Variants in COPS7B observed in about 807,000 individuals in gnomAD.
The protein encoded by COPS7B is COP9 signalosome subunit 7B, also known as COP9 signalosome complex subunit 7b.
In COPS7B, 9 loss-of-function variants were observed where a neutral mutation model predicts 33.4. The observed-to-expected ratio is 0.27, with a 90% CI of 0.16 to 0.47. The LOEUF (loss-of-function observed/expected upper bound fraction) is 0.47. Ranked by LOEUF, COPS7B falls within the 20% of genes least tolerant of loss-of-function variation. The pLI is 0.99. For missense variants in COPS7B, 242 were observed against 318.2 expected, an observed-to-expected ratio of 0.76 and a Z score of 1.82; for synonymous variants, 119 against 126.3, an observed-to-expected ratio of 0.94 and a Z score of 0.39.
intron 4 of COPS7B, among the ~76,000 whole-genome samples, chr2:231,794,632 A>G (rs2049512369): frequency 6.6e-6 from 1 of 152,220 alleles, no homozygotes; most frequent in African/African-American, 2.4e-5. Context: ...CTGCTGTTAA[A>G]GATATACATT....
Position 231,798,882 on chromosome 2 carries a change from T to A in COPS7B, c.554T>A (p.Leu185Gln). 1 of 1,614,186 alleles carries A rather than the reference T, an allele frequency of 6.2e-7. No individual in the cohort carries two copies. Among genetic ancestry groups the A allele is most frequent in the Non-Finnish European group, 8.5e-7 (1 of 1,180,018 alleles). ...HEWCDGCEAV[L>Q]LGIEQQVLRA... ...AGGTGTGATGGCTGTGAAGCAGTTCTACTGGGCATCGAGCAGCAAGTTCTG... is the reference window on the plus strand; with the variant it reads ...AGGTGTGATGGCTGTGAAGCAGTTCAACTGGGCATCGAGCAGCAAGTTCTG... The change falls in exon 6 of 7, where the codon CTA becomes CAA. Residue 185 changes from leucine (L) to glutamine (Q), a missense_variant. By Grantham distance (113) the Leu-to-Gln change is moderately radical. Coordinates refer to ENST00000350033, the MANE Select transcript of COPS7B (RefSeq NM_022730.4).
upstream of COPS7B, among the ~76,000 whole-genome samples, chr2:231,785,904 G>A (rs937050449): frequency 1.2e-4 from 18 of 152,212 alleles, no homozygotes; most frequent in Non-Finnish European, 2.4e-4. Context: ...TAGAGGTCAA[G>A]AACATCGTCT....
At chr2:231,805,137 C>G (rs2049854042) in intron 6 of COPS7B, among the ~76,000 whole-genome samples, 1 of 152,070 alleles carries the variant, frequency 6.6e-6, no homozygotes, top group Non-Finnish European at 1.5e-5. Flanking sequence ...AGTTTGAGAC[C>G]AGCCTGGGCA....
chr2:231,799,451 A>G (rs914172128), intron 6 of COPS7B, among the ~76,000 whole-genome samples: 7 of 152,206 alleles, frequency 4.6e-5, no homozygotes, highest in African/African-American at 1.7e-4. Context: ...TATATTATAA[A>G]TGTGTAAAAT....
intron 2 of COPS7B, chr2:231,790,930 G>T (rs2049397592): frequency 6.5e-6 from 1 of 153,570 alleles, no homozygotes; most frequent in Non-Finnish European, 1.5e-5. Flanking sequence ...AGTAGAGACG[G>T]GGTTTCACCT....
chr2:231,786,386 G>A (rs2049241072), upstream of COPS7B: 4 of 939,284 alleles, frequency 4.3e-6, no homozygotes, highest in Admixed American at 6.2e-5. Flanking sequence ...CGAGTGCAGC[G>A]GTGGGAGGCT....
At chr2:231,804,869 GACATGCAAAT>G (rs1258243671) in intron 6 of COPS7B, among the ~76,000 whole-genome samples, 3 of 152,138 alleles carry the variant, frequency 2.0e-5, no homozygotes, top group African/African-American at 7.2e-5. Context: ...AGAGGTAACT[GACATGCAAAT>G]AAATAAACTA....
In COPS7B at chr2:231,798,929, A is replaced by G. The variant is rs2049659816; in HGVS notation, c.601A>G (p.Asn201Asp). Residue 201 changes from asparagine (N) to aspartate (D), a missense_variant, in exon 6 of 7, where the codon AAC becomes GAC. Physicochemically the swap from Asn to Asp is conservative, Grantham distance 23. Coordinates refer to ENST00000350033, the MANE Select transcript of COPS7B (RefSeq NM_022730.4). ...QVLRANQYKE[N>D]HNRTQQQVEA... ...TCTGAGAGCCAACCAGTACAAAGAG[A>G]ACCACAACCGAACTCAGCAGCAGGT... The G allele has an allele frequency of 1.2e-6, 2 of 1,614,078 alleles. No homozygotes were observed. The highest frequency in any genetic ancestry group is 1.7e-5 in the Admixed American group (1 of 60,002).
At chr2:231,787,372 C>G (rs1189287485) in intron 1 of COPS7B, among the ~76,000 whole-genome samples, 1 of 152,212 alleles carries the variant, frequency 6.6e-6, no homozygotes. Flanking sequence ...TTGCTGCACT[C>G]TACTATACCG....
At chr2:231,794,081 T>C (rs1355102250) in intron 3 of COPS7B, 182 bp from the exon 4 acceptor site, 3 of 517,636 alleles carry the variant, frequency 5.8e-6, no homozygotes, top group Admixed American at 6.9e-5. Context: ...AACTGAGTCT[T>C]TTCTTCTTTG....
chr2:231,807,262 T>C (rs2057455683), intron 6 of COPS7B, among the ~76,000 whole-genome samples: 1 of 152,226 alleles, frequency 6.6e-6, no homozygotes, highest in Non-Finnish European at 1.5e-5. Context: ...TCCCCTTCCA[T>C]TTGTTTCAAC....
upstream of COPS7B, chr2:231,786,409 G>T: frequency 1.0e-6 from 1 of 982,744 alleles, no homozygotes; most frequent in East Asian, 1.1e-4. Context: ...CGGGGGAGCT[G>T]CACGGGCGAC....
At chr2:231,785,540 G>A (rs768129055), upstream of COPS7B, among the ~76,000 whole-genome samples, 140 of 152,248 alleles carry the variant, frequency 9.2e-4, no homozygotes, top group Non-Finnish European at 1.7e-3. Flanking sequence ...GCTTTTGAGG[G>A]TAAGAGCTTT....
intron 5 of COPS7B, 115 bp from the exon 6 acceptor site, chr2:231,798,744 A>T (rs2049653712): frequency 5.3e-6 from 4 of 754,372 alleles, no homozygotes; most frequent in Admixed American, 4.8e-5. Context: ...CAGAGGGAGT[A>T]TTAAAGGAGG....
intron 3 of COPS7B, chr2:231,792,083 G>A (rs570197192): frequency 5.0e-4 from 309 of 615,952 alleles, no homozygotes; most frequent in Non-Finnish European, 7.1e-4. Context: ...GTGTTTGTAG[G>A]GCTCTTGGAG....
chr2:231,801,765 A>G (rs1574676336), intron 6 of COPS7B, among the ~76,000 whole-genome samples: 1 of 146,714 alleles, frequency 6.8e-6, no homozygotes, highest in Non-Finnish European at 1.5e-5. Context: ...ACCATGCCCA[A>G]CCTACTTTTC....
At chr2:231,795,911 G>T (rs1257402877) in intron 4 of COPS7B, among the ~76,000 whole-genome samples, 195 bp from the exon 5 acceptor site, 2 of 152,184 alleles carry the variant, frequency 1.3e-5, no homozygotes, top group African/African-American at 2.4e-5. Flanking sequence ...GAACCAGGAG[G>T]TTGCTTTCTT....
chr2:231,781,794 C>G (rs564372893), upstream of COPS7B: 1 of 1,545,046 alleles, frequency 6.5e-7, no homozygotes, highest in East Asian at 2.4e-5. Flanking sequence ...TGAAACCCAA[C>G]GGGAAGACCC....
chr2:231,807,905 C>G lies in COPS7B; in HGVS notation c.*260C>G, dbSNP rs1429934837. The G allele has an allele frequency of 2.6e-6, 1 of 381,056 alleles. No individual in the cohort carries two copies. Among genetic ancestry groups the G allele is most frequent in the African/African-American group, 2.1e-5 (1 of 48,140 alleles). The allele number at this position is 381,056 out of a possible 1,614,324, so 23.6% of individuals were successfully genotyped here. On this transcript the variant is annotated 3_prime_UTR_variant, in exon 7 of 7. Transcript: ENST00000350033. Reference sequence around the variant, plus strand: ...CAGGGTCAGACACTGCCCAGCTTCCCTCCAGGAGGTTCTTGTCTCTGTGTA... The same window carrying G: ...CAGGGTCAGACACTGCCCAGCTTCCGTCCAGGAGGTTCTTGTCTCTGTGTA...
Sources: gnomAD v4.1 joint callset for allele counts (sites outside exome capture counted in the v4.1 genomes callset) on GRCh38, gnomAD v4.1.1 for gene constraint, MANE v1.5 for transcripts, NCBI Gene and HGNC (gene_info 2026-07-23, HGNC 2026-07-21) for gene names.